The following TIMM29 variants were observed in gnomAD, a reference collection of about 807,000 sequenced individuals.
TIMM29 encodes the protein translocase of inner mitochondrial membrane 29, also known as mitochondrial import inner membrane translocase subunit Tim29.
In TIMM29, 23 loss-of-function variants were observed where a neutral mutation model predicts 19.5. The ratio of observed to expected loss-of-function variants is 1.18; its 90% CI spans 0.85 to 1.67. TIMM29 has a LOEUF of 1.67. TIMM29 is among the 40% of genes most tolerant of loss of function. TIMM29 has a pLI of 0.00. For synonymous variants in TIMM29, 209 were observed against 185.0 expected (o/e 1.13, Z -1.05); for missense variants, 404 against 384.7 (o/e 1.05, Z -0.42).
At position 10,928,927 on chromosome 19, in the gene TIMM29, G is replaced by A; in HGVS notation, c.94+11G>A. ...TGTGGGCGCGGCTGGGTGAGTAGCG[G>A]CGGAAGGCGGCAGGGTGGGTGGCCG... On this transcript the variant is annotated intron_variant, in intron 1 of 1. Coordinates refer to ENST00000270502, the MANE Select transcript of TIMM29 (RefSeq NM_138358.4). 5 of 1,508,206 alleles carry A rather than the reference G, an allele frequency of 3.3e-6. No individual in the cohort carries two copies. In the East Asian group the frequency reaches 8.1e-5, roughly 24 times the overall value. 93.4% of individuals were successfully genotyped at this position (1,508,206 alleles called of 1,614,324 possible). A position where few individuals can be genotyped will look rare whatever the true frequency, so the allele number is the denominator to read the frequency against.
Position 10,929,222 on chromosome 19 carries a change from C to T in TIMM29, c.303C>T (p.Thr101=). The change falls in exon 2 of 2, where the codon ACC becomes ACT. Residue 101 remains threonine, a synonymous_variant. Coordinates refer to ENST00000270502, the MANE Select transcript of TIMM29 (RefSeq NM_138358.4). The part of the protein sequence containing the change: ...SGTLLLLAPA[T]RNRESEAFVQ... The stretch of plus-strand genomic sequence containing the variant: ...CCCTCCTGCTGCTGGCGCCGGCCAC[C>T]CGCAACCGCGAGTCCGAAGCCTTCG... 8 of 1,490,134 alleles carry T rather than the reference C, an allele frequency of 5.4e-6. No homozygotes were observed. Among genetic ancestry groups the T allele is most frequent in the East Asian group, 2.5e-5 (1 of 39,608 alleles). 92.3% of individuals were successfully genotyped at this position (1,490,134 alleles called of 1,614,324 possible).
At position 10,929,004 on chromosome 19, in the gene TIMM29, C is replaced by G. The variant is rs781222031; in HGVS notation, c.95-10C>G. On this transcript the variant is annotated splice_polypyrimidine_tract_variant and intron_variant, in intron 1 of 1. Transcript: ENST00000270502. The stretch of plus-strand genomic sequence containing the variant: ...GCCGGATCACTCTTACCGCGCTCCT[C>G]TCCCCTCAGGGTCCTGGGCCCGCGC... The G allele has an allele frequency of 2.1e-4, 306 of 1,460,040 alleles. No individual in the cohort carries two copies. The highest frequency in any genetic ancestry group is 2.7e-4 in the Non-Finnish European group (305 of 1,121,540). 90.4% of individuals were successfully genotyped at this position (1,460,040 alleles called of 1,614,324 possible).
In TIMM29 at chr19:10,930,017, T is replaced by C. The variant is rs142106094; in HGVS notation, c.*315T>C. 2,720 of 271,324 alleles carry C rather than the reference T, an allele frequency of 0.01. 27 individuals carry two copies. Among genetic ancestry groups the C allele is most frequent in the Non-Finnish European group, 0.014 (1,974 of 143,118 alleles). The allele number at this position is 271,324 out of a possible 1,614,324, so 16.8% of individuals were successfully genotyped here. On this transcript the variant is annotated 3_prime_UTR_variant, in exon 2 of 2. Transcript: ENST00000270502. ...AGGCCCTCCTTAAGGAGGTACCACA[T>C]TGGTCAGCTGACTTGCAAACTCTTC...
chr19:10,929,691 G>T lies in TIMM29; in HGVS notation c.772G>T (p.Ala258Ser), dbSNP rs761202594. The T allele has an allele frequency of 1.8e-5, 29 of 1,601,262 alleles. No individual in the cohort carries two copies. The highest frequency in any genetic ancestry group is 2.1e-5 in the Non-Finnish European group (25 of 1,173,336). Residue 258 changes from alanine to serine, a missense_variant, in exon 2 of 2, where the codon GCC becomes TCC. Physicochemically the swap from Ala to Ser is moderately conservative, Grantham distance 99. Transcript: ENST00000270502. ...SQAHSLVQAE[A>S]PR ...GGCCCACTCGCTGGTGCAGGCGGAG[G>T]CCCCGAGATGAAACCCTGAGGCCCC...
In TIMM29 at chr19:10,929,643, A is replaced by G. The variant is rs774410164; in HGVS notation, c.724A>G (p.Lys242Glu). The G allele has an allele frequency of 1.6e-5, 25 of 1,612,770 alleles. No individual in the cohort carries two copies. Among genetic ancestry groups the G allele is most frequent in the East Asian group, 8.9e-5 (4 of 44,886 alleles). Residue 242 changes from lysine to glutamate, a missense_variant, in exon 2 of 2, where the codon AAG becomes GAG. Coordinates refer to ENST00000270502, the MANE Select transcript of TIMM29 (RefSeq NM_138358.4). Reference protein sequence around the residue: ...WEEQVLQKEKKDRLALSQAHS... With the variant: ...WEEQVLQKEKEDRLALSQAHS... Reference sequence around the variant, plus strand: ...GGAGCAGGTCTTGCAGAAGGAGAAGAAGGACAGGCTCGCCCTGAGCCAGGC... The same window carrying G: ...GGAGCAGGTCTTGCAGAAGGAGAAGGAGGACAGGCTCGCCCTGAGCCAGGC...
rs952735447 is a variant in TIMM29, at chr19:10,929,211, G to T, written c.292G>T (p.Ala98Ser). Residue 98 changes from alanine to serine, a missense_variant, in exon 2 of 2, where the codon GCG (alanine) becomes TCG (serine). Ala to Ser is a moderately conservative substitution (Grantham distance 99, BLOSUM62 1). Transcript: ENST00000270502. ...LEASGTLLLL[A>S]PATRNRESEA... The stretch of plus-strand genomic sequence containing the variant: ...GGCGTCGGGGACCCTCCTGCTGCTG[G>T]CGCCGGCCACCCGCAACCGCGAGTC... 10 of 1,481,142 alleles carry T rather than the reference G, an allele frequency of 6.8e-6. No individual in the cohort carries two copies. The East Asian group carries it at 1.3e-4, about 19-fold the overall frequency. The allele number at this position is 1,481,142 out of a possible 1,614,324, so 91.7% of individuals were successfully genotyped here.
Position 10,929,027 on chromosome 19 carries a change from C to A in TIMM29, c.108C>A (p.Arg36=). The change falls in exon 2 of 2, where the codon CGC becomes CGA. Residue 36 remains arginine, a synonymous_variant. Transcript: ENST00000270502. The part of the protein sequence containing the change: ...GVWARLGSWA[R]ALLRDYAEAC... ...CTCTCCCCTCAGGGTCCTGGGCCCGCGCGCTGCTCCGGGACTACGCCGAGG... is the reference window on the plus strand; with the variant it reads ...CTCTCCCCTCAGGGTCCTGGGCCCGAGCGCTGCTCCGGGACTACGCCGAGG... 6.8e-7 allele frequency: 1 copy of A among 1,461,866 alleles called. No individual in the cohort carries two copies. The highest frequency in any genetic ancestry group is 8.9e-7 in the Non-Finnish European group (1 of 1,123,168). The allele number at this position is 1,461,866 out of a possible 1,614,324, so 90.6% of individuals were successfully genotyped here.
chr19:10,929,297 C>G lies in TIMM29; in HGVS notation c.378C>G (p.Asn126Lys). The change falls in exon 2 of 2, where the codon AAC (asparagine) becomes AAG (lysine). Residue 126 changes from asparagine (N) to lysine (K), a missense_variant. Asn to Lys is a moderately conservative substitution (Grantham distance 94). Transcript: ENST00000270502. ...GCCGTGGCCGCCTGCGCTACGTCAA[C>G]CTGGGGCTCTGCTCGCTGGTGTACG... The part of the protein sequence containing the change: ...LRGRGRLRYV[N>K]LGLCSLVYEA... The G allele has an allele frequency of 6.5e-7, 1 of 1,545,320 alleles. No individual in the cohort carries two copies. The highest frequency in any genetic ancestry group is 8.7e-7 in the Non-Finnish European group (1 of 1,149,704).
At position 10,930,186 on chromosome 19, in the gene TIMM29, C is replaced by T. The variant is rs2083483436; in HGVS notation, c.*484C>T. On this transcript the variant is annotated 3_prime_UTR_variant, in exon 2 of 2. Transcript: ENST00000270502. The stretch of plus-strand genomic sequence containing the variant: ...CAGCTAGAGTGACATAGCAAGACTC[C>T]GATGCTACAAAAAAGAATAATAATA... 1.3e-5 allele frequency: 2 copies of T among 152,990 alleles called. No individual in the cohort carries two copies. Among genetic ancestry groups the T allele is most frequent in the African/African-American group, 4.9e-5 (2 of 41,128 alleles). 9.5% of individuals were successfully genotyped at this position (152,990 alleles called of 1,614,324 possible).
Position 10,929,899 on chromosome 19 carries a change from G to C in TIMM29, c.*197G>C, listed in dbSNP as rs531724691. The C allele has an allele frequency of 4.5e-5, 28 of 616,888 alleles. No individual in the cohort carries two copies. Among genetic ancestry groups the C allele is most frequent in the Non-Finnish European group, 7.2e-5 (26 of 358,658 alleles). 38.2% of individuals were successfully genotyped at this position (616,888 alleles called of 1,614,324 possible). ...GCTAATTCAGAGCCACCTGGGTCCG[G>C]GAGTTGGGGACAGCAGAACGACTTG... On this transcript the variant is annotated 3_prime_UTR_variant, in exon 2 of 2. Transcript: ENST00000270502.
Position 10,929,410 on chromosome 19 carries a change from T to G in TIMM29, c.491T>G (p.Leu164Arg). The change falls in exon 2 of 2, where the codon CTG becomes CGG. Residue 164 changes from leucine (L) to arginine (R), a missense_variant. Transcript: ENST00000270502. ...PRWTDFPGRV[L>R]DVGFVGRWWV... Reference sequence around the variant, plus strand: ...TGGACCGACTTCCCCGGCCGGGTCCTGGACGTGGGCTTCGTGGGTCGCTGG... The same window carrying G: ...TGGACCGACTTCCCCGGCCGGGTCCGGGACGTGGGCTTCGTGGGTCGCTGG... 1 of 1,610,732 alleles carries G rather than the reference T, an allele frequency of 6.2e-7. No homozygotes were observed. Among genetic ancestry groups the G allele is most frequent in the Non-Finnish European group, 8.5e-7 (1 of 1,179,256 alleles).
rs1254905367 is a variant in TIMM29, at chr19:10,929,299, T to C, written c.380T>C (p.Leu127Pro). The change falls in exon 2 of 2, where the codon CTG becomes CCG. Residue 127 changes from leucine (L) to proline (P), a missense_variant. Coordinates refer to ENST00000270502, the MANE Select transcript of TIMM29 (RefSeq NM_138358.4). ...CGTGGCCGCCTGCGCTACGTCAACC[T>C]GGGGCTCTGCTCGCTGGTGTACGAG... is the stretch of plus-strand genomic sequence containing the variant. ...RGRGRLRYVN[L>P]GLCSLVYEAP... The C allele has an allele frequency of 1.9e-6, 3 of 1,545,860 alleles. No individual in the cohort carries two copies. The African/African-American group carries it at 4.1e-5, about 21-fold the overall frequency.
chr19:10,929,246 C>T lies in TIMM29; in HGVS notation c.327C>T (p.Phe109=), dbSNP rs1189623429. ...PATRNRESEA[F]VQRLLWLRGR... is the part of the protein sequence containing the mutation. ...CCCGCAACCGCGAGTCCGAAGCCTTCGTGCAGAGGCTGCTCTGGCTGCGGG... is the reference window on the plus strand; with the variant it reads ...CCCGCAACCGCGAGTCCGAAGCCTTTGTGCAGAGGCTGCTCTGGCTGCGGG... Residue 109 remains phenylalanine (F), a synonymous_variant, in exon 2 of 2, where the codon TTC becomes TTT. Coordinates refer to ENST00000270502, the MANE Select transcript of TIMM29 (RefSeq NM_138358.4). 1.3e-6 allele frequency: 2 copies of T among 1,526,332 alleles called. No homozygotes were observed. Among genetic ancestry groups the T allele is most frequent in the African/African-American group, 2.8e-5 (2 of 72,436 alleles). 94.5% of individuals were successfully genotyped at this position (1,526,332 alleles called of 1,614,324 possible).
Position 10,928,865 on chromosome 19 carries a change from G to A in TIMM29, c.43G>A (p.Ala15Thr). ...ALRRFWSRRR[A>T]EAGDAVVAKP... Reference sequence around the variant, plus strand: ...GAGGAGATTTTGGTCCCGGCGCCGCGCAGAGGCGGGCGACGCGGTAGTGGC... The same window carrying A: ...GAGGAGATTTTGGTCCCGGCGCCGCACAGAGGCGGGCGACGCGGTAGTGGC... The change falls in exon 1 of 2, where the codon GCA (alanine) becomes ACA (threonine). Residue 15 changes from alanine to threonine, a missense_variant. Ala to Thr is a moderately conservative substitution (Grantham distance 58). Coordinates refer to ENST00000270502, the MANE Select transcript of TIMM29 (RefSeq NM_138358.4). 6.5e-7 allele frequency: 1 copy of A among 1,526,734 alleles called. No homozygotes were observed. Among genetic ancestry groups the A allele is most frequent in the Admixed American group, 2.1e-5 (1 of 46,756 alleles). 94.6% of individuals were successfully genotyped at this position (1,526,734 alleles called of 1,614,324 possible). A position where few individuals can be genotyped will look rare whatever the true frequency, so the allele number is the denominator to read the frequency against.
chr19:10,928,875 G>A lies in TIMM29; in HGVS notation c.53G>A (p.Gly18Asp). 6.5e-7 allele frequency: 1 copy of A among 1,530,492 alleles called. No homozygotes were observed. The highest frequency in any genetic ancestry group is 1.2e-5 in the South Asian group (1 of 83,216). The allele number at this position is 1,530,492 out of a possible 1,614,324, so 94.8% of individuals were successfully genotyped here. A position where few individuals can be genotyped will look rare whatever the true frequency, so the allele number is the denominator to read the frequency against. ...RFWSRRRAEA[G>D]DAVVAKPGVW... ...TGGTCCCGGCGCCGCGCAGAGGCGGGCGACGCGGTAGTGGCGAAGCCGGGA... is the reference window on the plus strand; with the variant it reads ...TGGTCCCGGCGCCGCGCAGAGGCGGACGACGCGGTAGTGGCGAAGCCGGGA... Residue 18 changes from glycine (G) to aspartate (D), a missense_variant, in exon 1 of 2, where the codon GGC becomes GAC. By Grantham distance (94) the Gly-to-Asp change is moderately conservative. Transcript: ENST00000270502.
chr19:10,929,199 C>G lies in TIMM29; in HGVS notation c.280C>G (p.Leu94Val). The change falls in exon 2 of 2, where the codon CTC (leucine) becomes GTC (valine). Residue 94 changes from leucine (L) to valine (V), a missense_variant. Physicochemically the swap from Leu to Val is conservative, Grantham distance 32 (BLOSUM62 1). Transcript: ENST00000270502. Reference protein sequence around the residue: ...EEALLEASGTLLLLAPATRNR... With the variant: ...EEALLEASGTVLLLAPATRNR... ...GGCGCTGCTGGAGGCGTCGGGGACC[C>G]TCCTGCTGCTGGCGCCGGCCACCCG... is the stretch of plus-strand genomic sequence containing the variant. 2.0e-6 allele frequency: 3 copies of G among 1,478,822 alleles called. No homozygotes were observed. Among genetic ancestry groups the G allele is most frequent in the Non-Finnish European group, 2.7e-6 (3 of 1,120,466 alleles). 91.6% of individuals were successfully genotyped at this position (1,478,822 alleles called of 1,614,324 possible).
At position 10,928,917 on chromosome 19, in the gene TIMM29, G is replaced by A; in HGVS notation, c.94+1G>A. 2.6e-6 allele frequency: 4 copies of A among 1,513,820 alleles called. No homozygotes were observed. Among genetic ancestry groups the A allele is most frequent in the Non-Finnish European group, 3.5e-6 (4 of 1,139,694 alleles). The allele number at this position is 1,513,820 out of a possible 1,614,324, so 93.8% of individuals were successfully genotyped here. A position where few individuals can be genotyped will look rare whatever the true frequency, so the allele number is the denominator to read the frequency against. Reference sequence around the variant, plus strand: ...AAGCCGGGAGTGTGGGCGCGGCTGGGTGAGTAGCGGCGGAAGGCGGCAGGG... The same window carrying A: ...AAGCCGGGAGTGTGGGCGCGGCTGGATGAGTAGCGGCGGAAGGCGGCAGGG... On this transcript the variant is annotated splice_donor_variant, in intron 1 of 1. Coordinates refer to ENST00000270502, the MANE Select transcript of TIMM29 (RefSeq NM_138358.4). LOFTEE classifies it high-confidence loss of function.
chr19:10,929,559 G>C lies in TIMM29; in HGVS notation c.640G>C (p.Asp214His). ...LHSETNERLF[D>H]EKYKPVVLTD... ...TTCCGAGACCAACGAGCGGCTCTTCGATGAGAAGTACAAGCCTGTCGTGCT... is the reference window on the plus strand; with the variant it reads ...TTCCGAGACCAACGAGCGGCTCTTCCATGAGAAGTACAAGCCTGTCGTGCT... Residue 214 changes from aspartate (D) to histidine (H), a missense_variant, in exon 2 of 2, where the codon GAT becomes CAT. Physicochemically the swap from Asp to His is moderately conservative, Grantham distance 81. Coordinates refer to ENST00000270502, the MANE Select transcript of TIMM29 (RefSeq NM_138358.4). 1.9e-6 allele frequency: 3 copies of C among 1,613,042 alleles called. No individual in the cohort carries two copies. The highest frequency in any genetic ancestry group is 2.5e-6 in the Non-Finnish European group (3 of 1,180,014).
Position 10,929,385 on chromosome 19 carries a change from T to A in TIMM29, c.466T>A (p.Trp156Arg), listed in dbSNP as rs550170903. 1.2e-6 allele frequency: 2 copies of A among 1,605,514 alleles called. No homozygotes were observed. The highest frequency in any genetic ancestry group is 2.7e-5 in the African/African-American group (2 of 74,930). Reference sequence around the variant, plus strand: ...GCGTTGCCGCTACCTGCAGCCCCGCTGGACCGACTTCCCCGGCCGGGTCCT... The same window carrying A: ...GCGTTGCCGCTACCTGCAGCCCCGCAGGACCGACTTCCCCGGCCGGGTCCT... ...QARCRYLQPR[W>R]TDFPGRVLDV... Residue 156 changes from tryptophan (W) to arginine (R), a missense_variant, in exon 2 of 2, where the codon TGG becomes AGG. By Grantham distance (101) the Trp-to-Arg change is moderately radical. Coordinates refer to ENST00000270502, the MANE Select transcript of TIMM29 (RefSeq NM_138358.4).
Sources: allele counts gnomAD v4.1 joint callset, GRCh38; gene constraint gnomAD v4.1.1; transcripts MANE v1.5; gene names NCBI Gene and HGNC (gene_info 2026-07-23, HGNC 2026-07-21).